PIP5K1A: variants seen among roughly 807,000 people sequenced by gnomAD.
PIP5K1A encodes the protein phosphatidylinositol-4-phosphate 5-kinase type 1 alpha.
A neutral mutation model predicts 72.9 loss-of-function variants in PIP5K1A; 46 were observed. The ratio of observed to expected loss-of-function variants is 0.63; its 90% CI spans 0.50 to 0.81. PIP5K1A has a LOEUF of 0.81. Ranked by LOEUF, PIP5K1A falls within the 30% of genes least tolerant of loss-of-function variation. The probability of loss-of-function intolerance (pLI) is 0.00; values close to 1 mark genes in which losing one functional copy is unlikely to be tolerated. For synonymous variants in PIP5K1A, 228 were observed against 255.1 expected, an observed-to-expected ratio of 0.89 and a Z score of 1.01; for missense variants, 458 against 706.1, an observed-to-expected ratio of 0.65 and a Z score of 3.98.
chr1:151,221,383 T>C (rs1342995096), intron 1 of PIP5K1A, among the ~76,000 whole-genome samples: 1 of 152,224 alleles, frequency 6.6e-6, no homozygotes, highest in Non-Finnish European at 1.5e-5. Flanking sequence ...GTGGAGAAGC[T>C]GGCCTAGGAC....
chr1:151,231,850 A>C, intron 5 of PIP5K1A, 49 bp downstream of exon 5: 1 of 1,596,810 alleles, frequency 6.3e-7, no homozygotes, highest in East Asian at 2.2e-5. Flanking sequence ...TGGCCTTTTC[A>C]AATCAGCCCA....
chr1:151,204,331 C>T (rs587731684), intron 1 of PIP5K1A, among the ~76,000 whole-genome samples: 8 of 152,190 alleles, frequency 5.3e-5, no homozygotes, highest in African/African-American at 1.9e-4. Flanking sequence ...CACCCGCCAA[C>T]ACGCCCGGCT....
At chr1:151,234,172 C>T in intron 7 of PIP5K1A, 25 bp from the exon 8 acceptor site, 1 of 1,559,800 alleles carries the variant, frequency 6.4e-7, no homozygotes, top group Non-Finnish European at 8.7e-7. Context: ...TGTTCTCCTA[C>T]TTCTGTTTCC....
intron 1 of PIP5K1A, among the ~76,000 whole-genome samples, chr1:151,206,788 A>AGG (rs1685995476): frequency 6.6e-6 from 1 of 152,042 alleles, no homozygotes; most frequent in Non-Finnish European, 1.5e-5. Flanking sequence ...CTGGTCTCTA[A>AGG]CCCCTGACCT....
chr1:151,208,417 G>A (rs1167748632), intron 1 of PIP5K1A, among the ~76,000 whole-genome samples: 6 of 144,188 alleles, frequency 4.2e-5, no homozygotes, highest in Non-Finnish European at 9.0e-5. Flanking sequence ...CTGGAGTGCA[G>A]TGGTGCAATC....
rs1309663788 is a variant in PIP5K1A, at chr1:151,198,749, C to A, written c.-248C>A. On this transcript the variant is annotated 5_prime_UTR_variant, in exon 1 of 16. It adds an upstream start codon to the 5' untranslated region. Coordinates refer to ENST00000368888, the MANE Select transcript of PIP5K1A (RefSeq NM_001135638.2). Reference sequence around the variant, plus strand: ...CTTCTGTGAAAGGGGAAAGTATCCCCTGTGGAAAGCGGTTAAACTTGTGGA... The same window carrying A: ...CTTCTGTGAAAGGGGAAAGTATCCCATGTGGAAAGCGGTTAAACTTGTGGA... 3.4e-6 allele frequency: 2 copies of A among 584,746 alleles called. No homozygotes were observed. Among genetic ancestry groups the A allele is most frequent in the East Asian group, 5.6e-5 (2 of 35,570 alleles). 36.2% of individuals were successfully genotyped at this position (584,746 alleles called of 1,614,324 possible). A position where few individuals can be genotyped will look rare whatever the true frequency, so the allele number is the denominator to read the frequency against.
intron 1 of PIP5K1A, among the ~76,000 whole-genome samples, chr1:151,209,978 G>A (rs1263561588): frequency 1.3e-5 from 2 of 151,708 alleles, no homozygotes; most frequent in African/African-American, 4.8e-5. Context: ...CTGCCTCCTG[G>A]GTTCAAGAGA....
chr1:151,223,072 C>T (rs1304325152), intron 1 of PIP5K1A, among the ~76,000 whole-genome samples: 2 of 151,976 alleles, frequency 1.3e-5, no homozygotes, highest in East Asian at 3.9e-4. Flanking sequence ...AAAAATTAGC[C>T]AGGCGCAGTG....
rs947745920 is a variant in PIP5K1A, at chr1:151,216,074, A to C, written c.86-8171A>C. On this transcript the variant is annotated intron_variant, in intron 1 of 15. Transcript: ENST00000368888. ...AACTAGCAGCCAATTCCTCTTCCCC[A>C]TAACAGTTGCAGACTTCTAATCCCA... The C allele has an allele frequency of 5.5e-5, 44 of 793,226 alleles. No homozygotes were observed. In the African/African-American group the frequency reaches 7.9e-4, roughly 14 times the overall value. 49.1% of individuals were successfully genotyped at this position (793,226 alleles called of 1,614,324 possible).
At chr1:151,202,452 C>G (rs925693007) in intron 1 of PIP5K1A, among the ~76,000 whole-genome samples, 3 of 152,154 alleles carry the variant, frequency 2.0e-5, no homozygotes, top group African/African-American at 7.2e-5. Context: ...AAGAAACACT[C>G]TCTTCCAATC....
At chr1:151,235,386 A>G (rs1690705793) in intron 8 of PIP5K1A, among the ~76,000 whole-genome samples, 1 of 152,094 alleles carries the variant, frequency 6.6e-6, no homozygotes, top group African/African-American at 2.4e-5. Flanking sequence ...CCCGGCCTAG[A>G]TATCACTCTT....
intron 14 of PIP5K1A, among the ~76,000 whole-genome samples, chr1:151,245,898 A>G (rs2101742340): frequency 6.6e-6 from 1 of 152,212 alleles, no homozygotes; most frequent in East Asian, 1.9e-4. Flanking sequence ...AAAAGTCTGT[A>G]TTATCTATTA....
At chr1:151,204,324 C>T (rs928771696) in intron 1 of PIP5K1A, among the ~76,000 whole-genome samples, 45 of 152,202 alleles carry the variant, frequency 3.0e-4, no homozygotes, top group African/African-American at 1.0e-3. Context: ...TTACAGGCAC[C>T]CGCCAACACG....
chr1:151,233,710 G>T (rs1570952794), intron 7 of PIP5K1A: 1 of 154,914 alleles, frequency 6.5e-6, no homozygotes. Flanking sequence ...AAGTGCTGGG[G>T]TTACAGGCAT....
At position 151,224,397 on chromosome 1, in the gene PIP5K1A, C is replaced by A. The variant is rs199497446; in HGVS notation, c.147C>A (p.Tyr49Ter). Residue 49 changes from tyrosine to a stop codon, truncating the protein, a stop_gained, in exon 3 of 16, where the codon TAC (tyrosine) becomes TAA (stop). Coordinates refer to ENST00000368888, the MANE Select transcript of PIP5K1A (RefSeq NM_001135638.2). LOFTEE classifies it high-confidence loss of function. The stretch of plus-strand genomic sequence containing the variant: ...TCTTGGAAGCTAGACAGGATTCTTA[C>A]ATCTCATTGGTAGGCTAGAAATTAT... ...SEVLEARQDS[Y>*]ISLVPYASGM... The A allele has an allele frequency of 5.0e-6, 8 of 1,598,906 alleles. No individual in the cohort carries two copies. The highest frequency in any genetic ancestry group is 2.2e-5 in the East Asian group (1 of 44,794).
At chr1:151,230,542 A>G (rs1359149873) in intron 4 of PIP5K1A, among the ~76,000 whole-genome samples, 3 of 151,984 alleles carry the variant, frequency 2.0e-5, no homozygotes, top group Non-Finnish European at 4.4e-5. Flanking sequence ...CTCTTTTACC[A>G]CACTGTTGCC....
chr1:151,237,612 G>T (rs1691075049), intron 9 of PIP5K1A, among the ~76,000 whole-genome samples: 1 of 151,926 alleles, frequency 6.6e-6, no homozygotes, highest in Non-Finnish European at 1.5e-5. Context: ...GTGAGCCACT[G>T]TACATGCCAC....
At chr1:151,214,286 T>C (rs1687268367) in intron 1 of PIP5K1A, among the ~76,000 whole-genome samples, 1 of 152,194 alleles carries the variant, frequency 6.6e-6, no homozygotes, top group Non-Finnish European at 1.5e-5. Context: ...CTTTGTTTGC[T>C]TCACTAAGAT....
At chr1:151,231,478 A>G (rs1690062169) in intron 4 of PIP5K1A, among the ~76,000 whole-genome samples, 193 bp from the exon 5 acceptor site, 2 of 152,266 alleles carry the variant, frequency 1.3e-5, no homozygotes, top group South Asian at 4.1e-4. Context: ...TGTCCTTCCA[A>G]TCTTTACTAA....
Sources: gnomAD v4.1 joint callset for allele counts (sites outside exome capture counted in the v4.1 genomes callset) on GRCh38, gnomAD v4.1.1 for gene constraint, MANE v1.5 for transcripts, NCBI Gene and HGNC (gene_info 2026-07-23, HGNC 2026-07-21) for gene names.